HDHD5: variants seen among roughly 807,000 people sequenced by gnomAD.
HDHD5 encodes haloacid dehalogenase like hydrolase domain containing 5.
In HDHD5, 34 loss-of-function variants were observed where a neutral mutation model predicts 35.5. The observed-to-expected ratio is 0.96, with a 90% CI of 0.73 to 1.28. The LOEUF (loss-of-function observed/expected upper bound fraction) is 1.28, where lower values mean the gene tolerates loss of function less well. Among genes scored for constraint, HDHD5 ranks in the 50% most tolerant of loss-of-function variants. The pLI, the probability that HDHD5 is intolerant of heterozygous loss-of-function variation, is 0.00. For synonymous variants in HDHD5, 248 were observed against 240.6 expected, an observed-to-expected ratio of 1.03 and a Z score of -0.29; for missense variants, 589 against 560.2, an observed-to-expected ratio of 1.05 and a Z score of -0.52.
upstream of HDHD5, among the ~76,000 whole-genome samples, chr22:17,161,036 T>A (rs1373891856): frequency 1.3e-5 from 2 of 151,814 alleles, no homozygotes; most frequent in Non-Finnish European, 2.9e-5. Context: ...AGGCGGATCA[T>A]CTGAGATCAG....
At chr22:17,158,432 C>A (rs1199371524) in intron 1 of HDHD5, 1 of 152,202 alleles carries the variant, frequency 6.6e-6, no homozygotes, top group Non-Finnish European at 1.5e-5. Context: ...CCCAAGGGAG[C>A]GTGAGAGCCG....
intron 1 of HDHD5, among the ~76,000 whole-genome samples, chr22:17,154,503 A>T (rs1568949944): frequency 6.6e-6 from 1 of 152,090 alleles, no homozygotes; most frequent in African/African-American, 2.4e-5. Context: ...ATAAAAACAA[A>T]AAATAAATAA....
chr22:17,141,401 C>T (rs2061600254), intron 5 of HDHD5, 168 bp from the exon 6 acceptor site: 1 of 1,374,200 alleles, frequency 7.3e-7, no homozygotes, highest in African/African-American at 1.5e-5. Context: ...ACCCATCCAC[C>T]CTGGGTGCAC....
Position 17,149,462 on chromosome 22 carries a change from G to T in HDHD5, c.330+80C>A. ...AGGTGATTCCATATCCCAACCCAGG[G>T]GAAAGGGACTTGGAGCTGGGGCAGC... On this transcript the variant is annotated intron_variant, in intron 2 of 7. Transcript: ENST00000336737. The T allele has an allele frequency of 3.6e-6, 5 of 1,389,622 alleles. No homozygotes were observed. In the South Asian group the frequency reaches 6.2e-5, roughly 17 times the overall value. The allele number at this position is 1,389,622 out of a possible 1,614,324, so 86.1% of individuals were successfully genotyped here.
intron 1 of HDHD5, 150 bp from the exon 2 acceptor site, chr22:17,149,895 C>A: frequency 1.6e-6 from 1 of 617,582 alleles, no homozygotes; most frequent in Non-Finnish European, 2.8e-6. Flanking sequence ...TCTGATAGGG[C>A]AATCTTTAAA....
At chr22:17,157,274 T>TC (rs1038725475) in intron 1 of HDHD5, among the ~76,000 whole-genome samples, 21 of 149,768 alleles carry the variant, frequency 1.4e-4, no homozygotes, top group Non-Finnish European at 2.8e-4. Context: ...TAATTTTCTT[T>TC]TTTTTTTTTT....
chr22:17,138,563 G>A lies in HDHD5; in HGVS notation c.922C>T (p.Leu308Phe). ...RRGWAAPIRK[L>F]YAVGDNPMSD... is the part of the protein sequence containing the mutation. ...AGCAGAGCCTACCCCACAGCATAGA[G>A]CTTCCGGATGGGGGCGGCCCAGCCC... The change falls in exon 7 of 8, where the codon CTC becomes TTC. Residue 308 changes from leucine to phenylalanine, a missense_variant. Transcript: ENST00000336737. The A allele has an allele frequency of 1.2e-6, 2 of 1,614,022 alleles. No individual in the cohort carries two copies. The highest frequency in any genetic ancestry group is 8.5e-7 in the Non-Finnish European group (1 of 1,179,954).
rs2061555107 is a variant in HDHD5 at position 17,138,169 on chromosome 22, T to C, written c.1124A>G (p.Glu375Gly). 6.2e-7 allele frequency: 1 copy of C among 1,614,086 alleles called. No homozygotes were observed. Among genetic ancestry groups the C allele is most frequent in the East Asian group, 2.2e-5 (1 of 44,862 alleles). The change falls in exon 8 of 8, where the codon GAG (glutamate) becomes GGG (glycine). Residue 375 changes from glutamate (E) to glycine (G), a missense_variant. Coordinates refer to ENST00000336737, the MANE Select transcript of HDHD5 (RefSeq NM_033070.3). ...VYNPRNPQST[E>G]PVLGGGEPPF... ...AGGCTCCCCTCCTCCAAGGACAGGC[T>C]CCGTGGACTGTGGGTTCCTGGGATT...
chr22:17,159,323 A>G, upstream of HDHD5: 3 of 1,153,630 alleles, frequency 2.6e-6, no homozygotes, highest in Non-Finnish European at 3.3e-6. Context: ...TGCACAGCCA[A>G]TCAGCGGTCG....
chr22:17,155,094 G>T (rs1829956071), intron 1 of HDHD5, among the ~76,000 whole-genome samples: 1 of 152,138 alleles, frequency 6.6e-6, no homozygotes, highest in Non-Finnish European at 1.5e-5. Context: ...GATGGGCACA[G>T]GGGTTCATAT....
rs2061803847 is a variant in HDHD5, at chr22:17,157,085, T to TACACACATACACACACACACACACACAC, written c.126+2040_126+2041insGTGTGTGTGTGTGTGTGTGTATGTGTGT. Among the ~76,000 whole-genome samples the TACACACATACACACACACACACACACAC allele has an allele frequency of 2.8e-5, 4 of 143,798 alleles. No individual in the cohort carries two copies. The East Asian group carries it at 8.3e-4, about 30-fold the overall frequency. 94.3% of individuals were successfully genotyped at this position (143,798 alleles called of 152,430 possible). On this transcript the variant is annotated intron_variant, in intron 1 of 7. Coordinates refer to ENST00000336737, the MANE Select transcript of HDHD5 (RefSeq NM_033070.3). ...AGAGCTAGACACCGTCTCACACACA[T>TACACACATACACACACACACACACACAC]ACACACACACACACACACACACACA...
In HDHD5 at chr22:17,148,449, C is replaced by T; in HGVS notation, c.442G>A (p.Gly148Arg). 1 of 1,613,186 alleles carries T rather than the reference C, an allele frequency of 6.2e-7. No homozygotes were observed. Among genetic ancestry groups the T allele is most frequent in the Non-Finnish European group, 8.5e-7 (1 of 1,179,140 alleles). ...GQGPVMENAQ[G>R]LGFRNVVTVD... is the part of the protein sequence containing the mutation. ...CCAGAGTTAAGACCAAAAGGATACC[C>T]CTGGGCATTTTCCATCACGGGCCCC... The change falls in exon 3 of 8, where the codon GGA (glycine) becomes AGA (arginine). Residue 148 changes from glycine (G) to arginine (R), a missense_variant and splice_region_variant. Transcript: ENST00000336737.
At chr22:17,138,781 C>A in intron 6 of HDHD5, 43 bp from the exon 7 acceptor site, 1 of 1,608,320 alleles carries the variant, frequency 6.2e-7, no homozygotes, top group South Asian at 1.1e-5. Flanking sequence ...TCCTGATCTC[C>A]AGGCTCTTCT....
intron 1 of HDHD5, 98 bp downstream of exon 1, chr22:17,159,028 T>G (rs71312076): frequency 0.056 from 60,777 of 1,082,378 alleles, 2,162 homozygotes; most frequent in South Asian, 0.17. Flanking sequence ...CCCAGGAGGC[T>G]GGGATACCAG....
chr22:17,159,391 C>T (rs1396797206), upstream of HDHD5: 4 of 990,308 alleles, frequency 4.0e-6, no homozygotes, highest in African/African-American at 5.2e-5. Context: ...CGTCGGGCGC[C>T]TATGGAACTC....
At chr22:17,154,726 G>A (rs1270458936) in intron 1 of HDHD5, among the ~76,000 whole-genome samples, 1 of 151,094 alleles carries the variant, frequency 6.6e-6, no homozygotes, top group Non-Finnish European at 1.5e-5. Context: ...GAGCTCAAAG[G>A]ATCCTCCTGC....
intron 2 of HDHD5, 61 bp downstream of exon 2, chr22:17,149,481 G>A: frequency 6.0e-6 from 9 of 1,510,502 alleles, no homozygotes; most frequent in South Asian, 4.7e-5. Context: ...CTTGGAGCTG[G>A]GGCAGCGGCT....
At position 17,148,577 on chromosome 22, in the gene HDHD5, G is replaced by A; in HGVS notation, c.331-17C>T. On this transcript the variant is annotated splice_polypyrimidine_tract_variant and intron_variant, in intron 2 of 7. Transcript: ENST00000336737. ...TGCATCCACCTGTAGGGACAGCCAA[G>A]ACAGGGGAGGGCAGAGGAAGACAGA... The A allele has an allele frequency of 6.4e-7, 1 of 1,566,346 alleles. No individual in the cohort carries two copies. Among genetic ancestry groups the A allele is most frequent in the Non-Finnish European group, 8.8e-7 (1 of 1,136,582 alleles).
intron 4 of HDHD5, among the ~76,000 whole-genome samples, chr22:17,143,902 C>T (rs976173878): frequency 1.3e-5 from 2 of 152,352 alleles, no homozygotes; most frequent in Non-Finnish European, 2.9e-5. Context: ...AGTGAGCCAA[C>T]GGGCACCTCA....
Sources: gnomAD v4.1 joint callset for allele counts (sites outside exome capture counted in the v4.1 genomes callset) on GRCh38, gnomAD v4.1.1 for gene constraint, MANE v1.5 for transcripts, NCBI Gene and HGNC (gene_info 2026-07-23, HGNC 2026-07-21) for gene names.